ADAT2: variants seen among roughly 807,000 people sequenced by gnomAD.
ADAT2 encodes the protein adenosine deaminase tRNA specific 2.
ADAT2 carries 26 observed loss-of-function variants against 25.9 expected under a neutral mutation model. That is an observed-to-expected ratio of 1.00 (90% confidence interval 0.74 to 1.39). The LOEUF is 1.39. Among genes scored for constraint, ADAT2 ranks in the 40% most tolerant of loss-of-function variants. The pLI is 0.00. For synonymous variants in ADAT2, 76 were observed against 86.8 expected, an observed-to-expected ratio of 0.88 and a Z score of 0.69; for missense variants, 220 against 244.8, an observed-to-expected ratio of 0.90 and a Z score of 0.68.
In ADAT2 at chr6:143,442,424, T is replaced by C. The variant is rs1779485725; in HGVS notation, c.97-3730A>G. 6.6e-6 allele frequency among the ~76,000 whole-genome samples: 1 copy of C among 151,234 alleles called. No individual in the cohort carries two copies. The highest frequency in any genetic ancestry group is 1.5e-5 in the Non-Finnish European group (1 of 67,916). On this transcript the variant is annotated intron_variant, in intron 1 of 5. Coordinates refer to ENST00000237283, the MANE Select transcript of ADAT2 (RefSeq NM_182503.3). The surrounding 1 kb of genome is among the most constrained non-coding windows in gnomAD (Gnocchi z 4.6). Reference sequence around the variant, plus strand: ...AGGGAGCCATGTGGTAGTGAAACAGTTCCAGTGGTGGTTATACAAAGCTAA... The same window carrying C: ...AGGGAGCCATGTGGTAGTGAAACAGCTCCAGTGGTGGTTATACAAAGCTAA...
Position 143,436,576 on chromosome 6 carries a change from G to A in ADAT2, c.201+2014C>T, listed in dbSNP as rs1343179218. On this transcript the variant is annotated intron_variant, in intron 2 of 5. Coordinates refer to ENST00000237283, the MANE Select transcript of ADAT2 (RefSeq NM_182503.3). This position sits in a 1 kb window ranked among gnomAD's most constrained non-coding sequence, Gnocchi z 4.1. ...CTTCCTGCACTGGTACATGGGCGAGGGCAAGAATGAGATGGAATTCACTGG... is the reference window on the plus strand; with the variant it reads ...CTTCCTGCACTGGTACATGGGCGAGAGCAAGAATGAGATGGAATTCACTGG... The A allele has an allele frequency of 2.4e-6, 1 of 411,264 alleles. No individual in the cohort carries two copies. The highest frequency in any genetic ancestry group is 2.1e-5 in the South Asian group (1 of 48,604). 25.5% of individuals were successfully genotyped at this position (411,264 alleles called of 1,614,324 possible).
In ADAT2 at chr6:143,444,014, G is replaced by A. The variant is rs1320424528; in HGVS notation, c.97-5320C>T. Among the ~76,000 whole-genome samples the A allele has an allele frequency of 1.3e-5, 2 of 152,056 alleles. No homozygotes were observed. The highest frequency in any genetic ancestry group is 4.8e-5 in the African/African-American group (2 of 41,398). On this transcript the variant is annotated intron_variant, in intron 1 of 5. Coordinates refer to ENST00000237283, the MANE Select transcript of ADAT2 (RefSeq NM_182503.3). The surrounding 1 kb of genome is among the most constrained non-coding windows in gnomAD (Gnocchi z 4.3). ...AAAGGACGTGAGTGGGATGGGAGAT[G>A]AGATTCCATGTTGCCTGCAAGTTCT...
In ADAT2 at chr6:143,432,984, C is replaced by T. The variant is rs1038755962; in HGVS notation, c.353-373G>A. Among the ~76,000 whole-genome samples the T allele has an allele frequency of 1.3e-5, 2 of 152,130 alleles. No individual in the cohort carries two copies. The highest frequency in any genetic ancestry group is 4.8e-5 in the African/African-American group (2 of 41,420). ...CACCTTTTAGAAATAAAAGATTCTT[C>T]CCTGTTCTTGCCCCAAATAAAATAT... On this transcript the variant is annotated intron_variant, in intron 3 of 5. Coordinates refer to ENST00000237283, the MANE Select transcript of ADAT2 (RefSeq NM_182503.3). This position sits in a 1 kb window ranked among gnomAD's most constrained non-coding sequence, Gnocchi z 4.4.
intron 4 of ADAT2, among the ~76,000 whole-genome samples, chr6:143,430,448 G>A (rs1377282375): frequency 6.6e-6 from 1 of 152,148 alleles, no homozygotes; most frequent in Non-Finnish European, 1.5e-5. Context: ...GAACTGCTGA[G>A]TTACAGGCCT....
At chr6:143,429,627 G>C (rs1342496736) in intron 4 of ADAT2, among the ~76,000 whole-genome samples, 1 of 152,176 alleles carries the variant, frequency 6.6e-6, no homozygotes, top group Non-Finnish European at 1.5e-5. Context: ...GAAGCATAAG[G>C]AAAGAAAGAC....
At chr6:143,433,775 C>G in intron 3 of ADAT2, 56 bp downstream of exon 3, 1 of 1,503,806 alleles carries the variant, frequency 6.6e-7, no homozygotes, top group East Asian at 2.3e-5. Flanking sequence ...CGTGTTTGGC[C>G]ACTCTCTTGT....
chr6:143,428,522 A>G lies in ADAT2; in HGVS notation c.533-16T>C, dbSNP rs1159902782. 6 of 1,613,750 alleles carry G rather than the reference A, an allele frequency of 3.7e-6. No individual in the cohort carries two copies. Among genetic ancestry groups the G allele is most frequent in the Non-Finnish European group, 5.1e-6 (6 of 1,179,844 alleles). The stretch of plus-strand genomic sequence containing the variant: ...GATTTTGGTGCTGTGAAAAGAATAG[A>G]AAAGAAAAAGAAAATGAAGAGGTAA... On this transcript the variant is annotated splice_polypyrimidine_tract_variant and intron_variant, in intron 5 of 5. Coordinates refer to ENST00000237283, the MANE Select transcript of ADAT2 (RefSeq NM_182503.3). The surrounding 1 kb of genome is among the most constrained non-coding windows in gnomAD (Gnocchi z 5.0).
rs1258621663 is a variant in ADAT2, at chr6:143,438,982, T to C, written c.97-288A>G. On this transcript the variant is annotated intron_variant, in intron 1 of 5. Coordinates refer to ENST00000237283, the MANE Select transcript of ADAT2 (RefSeq NM_182503.3). ...AAAGGAGACTGTGACTGACCACTGT[T>C]CTTGAAGTGCCAGGGTCTATGTGTC... Among the ~76,000 whole-genome samples the C allele has an allele frequency of 2.6e-5, 4 of 152,316 alleles. No homozygotes were observed. In the South Asian group the frequency reaches 8.3e-4, roughly 32 times the overall value.
chr6:143,435,454 A>G (rs931025657), intron 2 of ADAT2, among the ~76,000 whole-genome samples: 1 of 152,166 alleles, frequency 6.6e-6, no homozygotes, highest in African/African-American at 2.4e-5. Context: ...CTGTAGTTAT[A>G]GAGTAATCTT....
Position 143,436,500 on chromosome 6 carries a change from G to A in ADAT2, c.201+2090C>T. The A allele has an allele frequency of 3.2e-6, 1 of 311,310 alleles. No individual in the cohort carries two copies. The highest frequency in any genetic ancestry group is 3.5e-5 in the South Asian group (1 of 28,702). The allele number at this position is 311,310 out of a possible 1,614,324, so 19.3% of individuals were successfully genotyped here. On this transcript the variant is annotated intron_variant, in intron 2 of 5. Transcript: ENST00000237283. The surrounding 1 kb of genome is among the most constrained non-coding windows in gnomAD (Gnocchi z 4.1). Reference sequence around the variant, plus strand: ...TCAGTAACAACACGGCCATCCAGGAGCTGCTCAGAGACGTCTCAGAGCAGT... The same window carrying A: ...TCAGTAACAACACGGCCATCCAGGAACTGCTCAGAGACGTCTCAGAGCAGT...
Position 143,428,544 on chromosome 6 carries a change from G to A in ADAT2, c.533-38C>T. The A allele has an allele frequency of 6.2e-7, 1 of 1,612,664 alleles. No individual in the cohort carries two copies. The highest frequency in any genetic ancestry group is 8.5e-7 in the Non-Finnish European group (1 of 1,178,914). ...TAGAAAAGAAAAAGAAAATGAAGAGGTAAGCTCATAGCAGATTCTCTTTGT... is the reference window on the plus strand; with the variant it reads ...TAGAAAAGAAAAAGAAAATGAAGAGATAAGCTCATAGCAGATTCTCTTTGT... On this transcript the variant is annotated intron_variant, in intron 5 of 5. Transcript: ENST00000237283. This position sits in a 1 kb window ranked among gnomAD's most constrained non-coding sequence, Gnocchi z 5.0.
chr6:143,425,926 G>A lies in ADAT2; in HGVS notation c.*2537C>T, dbSNP rs1778922336. On this transcript the variant is annotated 3_prime_UTR_variant, in exon 6 of 6. Transcript: ENST00000237283. ...GATGGTTGTGCCAAGTAACAAGAAA[G>A]CACAAAGATATTTTAACATGATCTT... The A allele has an allele frequency of 6.6e-6, 1 of 152,484 alleles. No homozygotes were observed. The highest frequency in any genetic ancestry group is 2.1e-4 in the South Asian group (1 of 4,802). 9.4% of individuals were successfully genotyped at this position (152,484 alleles called of 1,614,324 possible).
Position 143,428,713 on chromosome 6 carries a change from C to T in ADAT2, c.460-29G>A. On this transcript the variant is annotated intron_variant, in intron 4 of 5. Transcript: ENST00000237283. This position sits in a 1 kb window ranked among gnomAD's most constrained non-coding sequence, Gnocchi z 5.0. ...ATGGAATGAGAAAGTTGAGAATAAA[C>T]ATAGGCCTATGAAAATGTGTGCTGT... 2 of 1,604,976 alleles carry T rather than the reference C, an allele frequency of 1.2e-6. No individual in the cohort carries two copies. The highest frequency in any genetic ancestry group is 1.7e-6 in the Non-Finnish European group (2 of 1,172,942).
In ADAT2 at chr6:143,428,170, C is replaced by A. The variant is rs917837478; in HGVS notation, c.*293G>T. 5 of 388,040 alleles carry A rather than the reference C, an allele frequency of 1.3e-5. No homozygotes were observed. In the South Asian group the frequency reaches 1.8e-4, roughly 14 times the overall value. 24.0% of individuals were successfully genotyped at this position (388,040 alleles called of 1,614,324 possible). A position where few individuals can be genotyped will look rare whatever the true frequency, so the allele number is the denominator to read the frequency against. ...GAAGTCAGCACTTGCCTGGACTGGG[C>A]ACTTGTGGCTAGAAGGGTATGCACT... On this transcript the variant is annotated 3_prime_UTR_variant, in exon 6 of 6. Transcript: ENST00000237283. The surrounding 1 kb of genome is among the most constrained non-coding windows in gnomAD (Gnocchi z 5.0).
In ADAT2 at chr6:143,426,122, C is replaced by G. The variant is rs1778927586; in HGVS notation, c.*2341G>C. 1 of 152,196 alleles carries G rather than the reference C, an allele frequency of 6.6e-6. No homozygotes were observed. Among genetic ancestry groups the G allele is most frequent in the South Asian group, 2.1e-4 (1 of 4,824 alleles). 9.4% of individuals were successfully genotyped at this position (152,196 alleles called of 1,614,324 possible). On this transcript the variant is annotated 3_prime_UTR_variant, in exon 6 of 6. Coordinates refer to ENST00000237283, the MANE Select transcript of ADAT2 (RefSeq NM_182503.3). The surrounding 1 kb of genome is among the most constrained non-coding windows in gnomAD (Gnocchi z 4.1). ...AAACCTTTTTGTATCTCACCACTTT[C>G]AGAACTATTTTGTACACAAAACAAG...
chr6:143,445,694 A>C (rs1319155593), intron 1 of ADAT2, among the ~76,000 whole-genome samples: 1 of 152,060 alleles, frequency 6.6e-6, no homozygotes, highest in Non-Finnish European at 1.5e-5. Context: ...TAATTTCATC[A>C]ATTAAACAGT....
In ADAT2 at chr6:143,432,242, AAG is replaced by A. The variant is rs67232289; in HGVS notation, c.459+261_459+262del. On this transcript the variant is annotated intron_variant, in intron 4 of 5. Transcript: ENST00000237283. This position sits in a 1 kb window ranked among gnomAD's most constrained non-coding sequence, Gnocchi z 4.4. ...TCAGGCATACCTAACGGTGTTGGTG[AAG>A]AGTGTTCGGAGTCAGCTGCGAAGGG... Among the ~76,000 whole-genome samples, 42,764 of 151,924 alleles carry A rather than the reference AAG, an allele frequency of 0.28. 6,245 individuals carry two copies. Among genetic ancestry groups the A allele is most frequent in the Admixed American group, 0.32 (4,887 of 15,280 alleles).
Position 143,436,415 on chromosome 6 carries a change from A to G in ADAT2, c.201+2175T>C, listed in dbSNP as rs1011902590. ...TACTTTGCTGACTGGATCCCCTACA[A>G]TGGGAAAACAGCTTTCTGGGACATC... On this transcript the variant is annotated intron_variant, in intron 2 of 5. Transcript: ENST00000237283. The surrounding 1 kb of genome is among the most constrained non-coding windows in gnomAD (Gnocchi z 4.1). 3 of 274,578 alleles carry G rather than the reference A, an allele frequency of 1.1e-5. No individual in the cohort carries two copies. Among genetic ancestry groups the G allele is most frequent in the South Asian group, 4.3e-5 (1 of 23,370 alleles). 17.0% of individuals were successfully genotyped at this position (274,578 alleles called of 1,614,324 possible).
chr6:143,430,710 C>T (rs868380594), intron 4 of ADAT2, among the ~76,000 whole-genome samples: 15 of 152,124 alleles, frequency 9.9e-5, no homozygotes, highest in African/African-American at 2.2e-4. Context: ...GGATCACAGG[C>T]GCCCGCCACC....
Sources: gnomAD v4.1 joint callset for allele counts (sites outside exome capture counted in the v4.1 genomes callset) on GRCh38, gnomAD v4.1.1 for gene constraint, Gnocchi (gnomAD v3.1) non-coding constraint, MANE v1.5 for transcripts, NCBI Gene and HGNC (gene_info 2026-07-23, HGNC 2026-07-21) for gene names.